FAT3: variants seen among roughly 807,000 people sequenced by gnomAD.
The protein encoded by FAT3 is protocadherin Fat 3.
FAT3 carries 95 observed loss-of-function variants against 310.2 expected under a neutral mutation model. The observed-to-expected ratio is 0.31, with a 90% CI of 0.26 to 0.36. The LOEUF (loss-of-function observed/expected upper bound fraction) is 0.36. FAT3 is among the 10% of genes least tolerant of loss of function. The pLI is 1.00. For missense variants in FAT3, 5,408 were observed against 5,715.6 expected, an observed-to-expected ratio of 0.95 and a Z score of 1.74; for synonymous variants, 2,314 against 2,192.9, an observed-to-expected ratio of 1.06 and a Z score of -1.54.
At chr11:92,471,338 A>C (rs1439363679) in intron 2 of FAT3, among the ~76,000 whole-genome samples, 1 of 152,192 alleles carries the variant, frequency 6.6e-6, no homozygotes, top group Non-Finnish European at 1.5e-5. Flanking sequence ...TATTAGTGTT[A>C]ACATATAAAA....
At chr11:92,270,556 C>T (rs1294936241) in intron 1 of FAT3, among the ~76,000 whole-genome samples, 1 of 151,688 alleles carries the variant, frequency 6.6e-6, no homozygotes, top group Non-Finnish European at 1.5e-5. Context: ...CATGGTGGCA[C>T]ATGCCTGTAA....
intron 2 of FAT3, among the ~76,000 whole-genome samples, chr11:92,464,452 G>A (rs1037536301): frequency 6.6e-6 from 1 of 152,104 alleles, no homozygotes; most frequent in Non-Finnish European, 1.5e-5. Context: ...TCTCATATAG[G>A]GTAATTTGGG....
intron 3 of FAT3, among the ~76,000 whole-genome samples, chr11:92,554,760 T>C (rs1954958079): frequency 6.6e-6 from 1 of 152,160 alleles, no homozygotes; most frequent in African/African-American, 2.4e-5. Context: ...CTCCTTTCCT[T>C]ATGAAGAACC....
chr11:92,292,916 G>A (rs1946727658), intron 1 of FAT3, among the ~76,000 whole-genome samples: 1 of 151,920 alleles, frequency 6.6e-6, no homozygotes, highest in South Asian at 2.1e-4. Context: ...AGGAGGTCAA[G>A]TCAGAAGGAT....
chr11:92,399,062 G>A (rs1949951610), intron 2 of FAT3, among the ~76,000 whole-genome samples: 2 of 152,184 alleles, frequency 1.3e-5, no homozygotes, highest in Non-Finnish European at 2.9e-5. Flanking sequence ...CTTTATATCT[G>A]ATATGATCAG....
intron 2 of FAT3, among the ~76,000 whole-genome samples, chr11:92,407,370 T>A (rs1479469275): frequency 6.6e-6 from 1 of 152,178 alleles, no homozygotes; most frequent in African/African-American, 2.4e-5. Context: ...ATTATGCCTT[T>A]TCACTTCATA....
chr11:92,337,684 G>A (rs770975795), intron 1 of FAT3, among the ~76,000 whole-genome samples: 6 of 152,168 alleles, frequency 3.9e-5, no homozygotes, highest in Non-Finnish European at 7.3e-5. Flanking sequence ...CATATGCCTC[G>A]GCCTCCCAAA....
At chr11:92,634,486 C>T (rs1941682838) in intron 3 of FAT3, among the ~76,000 whole-genome samples, 3 of 152,216 alleles carry the variant, frequency 2.0e-5, no homozygotes, top group Admixed American at 1.3e-4. Flanking sequence ...CTTCACTCAG[C>T]TGGACAATTC....
intron 1 of FAT3, among the ~76,000 whole-genome samples, chr11:92,275,669 A>G (rs1946250245): frequency 6.6e-6 from 1 of 152,094 alleles, no homozygotes; most frequent in Non-Finnish European, 1.5e-5. Flanking sequence ...TTAAGTCTCT[A>G]CCAGCAATGT....
chr11:92,435,114 G>A (rs1439038293), intron 2 of FAT3, among the ~76,000 whole-genome samples: 3 of 152,090 alleles, frequency 2.0e-5, no homozygotes. Flanking sequence ...CCTCCACCTG[G>A]CAAGAGTGAT....
intron 6 of FAT3, among the ~76,000 whole-genome samples, chr11:92,769,807 T>A (rs1404715660): frequency 1.3e-5 from 2 of 152,358 alleles, no homozygotes; most frequent in East Asian, 3.9e-4. Context: ...TCATTTGTCA[T>A]AGGTTCCTTC....
At chr11:92,480,336 T>G (rs1300002963) in intron 2 of FAT3, among the ~76,000 whole-genome samples, 1 of 152,118 alleles carries the variant, frequency 6.6e-6, no homozygotes, top group Non-Finnish European at 1.5e-5. Flanking sequence ...AGACAGTATA[T>G]TTTGGAGTCA....
At chr11:92,387,596 G>A (rs1271292195) in intron 2 of FAT3, among the ~76,000 whole-genome samples, 1 of 152,198 alleles carries the variant, frequency 6.6e-6, no homozygotes, top group Non-Finnish European at 1.5e-5. Flanking sequence ...TGTGTGGCTG[G>A]ATGTAGGGGT....
chr11:92,879,167 T>G (rs1949613781), intron 22 of FAT3, among the ~76,000 whole-genome samples: 1 of 152,220 alleles, frequency 6.6e-6, no homozygotes, highest in African/African-American at 2.4e-5. Flanking sequence ...CAAAGAGGTA[T>G]CAGGGTGAAG....
At chr11:92,726,764 T>C (rs1037304438) in intron 4 of FAT3, among the ~76,000 whole-genome samples, 1 of 151,286 alleles carries the variant, frequency 6.6e-6, no homozygotes. Flanking sequence ...TTTGTTATTA[T>C]CTAGTATCTG....
At chr11:92,479,310 C>T (rs1003366689) in intron 2 of FAT3, among the ~76,000 whole-genome samples, 1 of 151,886 alleles carries the variant, frequency 6.6e-6, no homozygotes, top group African/African-American at 2.4e-5. Context: ...TGCACCCAGA[C>T]TTAAACATTT....
At chr11:92,809,639 T>G (rs1947612097) in intron 12 of FAT3, among the ~76,000 whole-genome samples, 1 of 152,234 alleles carries the variant, frequency 6.6e-6, no homozygotes, top group Non-Finnish European at 1.5e-5. Context: ...CACAGCTGTT[T>G]TGTTTTTGCA....
chr11:92,685,953 T>G (rs1021141512), intron 3 of FAT3, among the ~76,000 whole-genome samples: 3 of 152,200 alleles, frequency 2.0e-5, no homozygotes, highest in African/African-American at 7.2e-5. Flanking sequence ...TCTCCTTTGT[T>G]TCCACTTAAG....
chr11:92,247,464 T>G (rs1467753954), intron 1 of FAT3, among the ~76,000 whole-genome samples: 1 of 152,036 alleles, frequency 6.6e-6, no homozygotes, highest in East Asian at 1.9e-4. Flanking sequence ...CCTCATTTTT[T>G]CCACCTGGCA....
Sources: allele counts gnomAD v4.1 joint callset (sites outside exome capture counted in the v4.1 genomes callset), GRCh38; gene constraint gnomAD v4.1.1; transcripts MANE v1.5; gene names NCBI Gene and HGNC (gene_info 2026-07-23, HGNC 2026-07-21).